COL11A2: variants seen among roughly 807,000 people sequenced by gnomAD.
COL11A2 encodes the protein collagen type XI alpha 2 chain.
Under a neutral mutation model 273.4 loss-of-function variants are expected in COL11A2, and 116 were observed. That is an observed-to-expected ratio of 0.42 (90% CI 0.36 to 0.49). The LOEUF (loss-of-function observed/expected upper bound fraction) is 0.49. COL11A2 is among the 20% of genes least tolerant of loss of function. COL11A2 has a pLI of 0.00. For missense variants in COL11A2, 1,866 were observed against 2,309.0 expected (o/e 0.81, Z 3.93); for synonymous variants, 782 against 864.2 (o/e 0.90, Z 1.67).
rs1312983637 is a variant in COL11A2, at chr6:33,179,866, C to T, written c.1360-61G>A. Reference sequence around the variant, plus strand: ...AAGAAAGCCATGGGACCCTCCCAGCCAGAGGCTTTCTCCAGCGTTTCTGCC... The same window carrying T: ...AAGAAAGCCATGGGACCCTCCCAGCTAGAGGCTTTCTCCAGCGTTTCTGCC... On this transcript the variant is annotated intron_variant, in intron 12 of 65. Transcript: ENST00000341947. This position sits in a 1 kb window ranked among gnomAD's most constrained non-coding sequence, Gnocchi z 6.4. 3.3e-6 allele frequency: 5 copies of T among 1,499,678 alleles called. No individual in the cohort carries two copies. Among genetic ancestry groups the T allele is most frequent in the Admixed American group, 1.7e-5 (1 of 59,810 alleles). 92.9% of individuals were successfully genotyped at this position (1,499,678 alleles called of 1,614,324 possible). A position where few individuals can be genotyped will look rare whatever the true frequency, so the allele number is the denominator to read the frequency against.
Position 33,176,447 on chromosome 6 carries a change from G to C in COL11A2, c.2155C>G (p.Pro719Ala). 1 of 1,612,600 alleles carries C rather than the reference G, an allele frequency of 6.2e-7. No homozygotes were observed. Among genetic ancestry groups the C allele is most frequent in the African/African-American group, 1.3e-5 (1 of 75,000 alleles). ...GPQGPLGYPG[P>A]RGVKGVDGIR... ...TGGTCAGTTACCTTGACCCCTCGAG[G>C]TCCTGGGTATCCTAGAGGTCCCTGA... is the stretch of plus-strand genomic sequence containing the variant. Residue 719 changes from proline (P) to alanine (A), a missense_variant, in exon 27 of 66, where the codon CCT (proline) becomes GCT (alanine). Physicochemically the swap from Pro to Ala is conservative, Grantham distance 27. Coordinates refer to ENST00000341947, the MANE Select transcript of COL11A2 (RefSeq NM_080680.3). This position sits in a 1 kb window ranked among gnomAD's most constrained non-coding sequence, Gnocchi z 4.9.
chr6:33,179,126 C>T lies in COL11A2; in HGVS notation c.1558G>A (p.Gly520Ser). The part of the protein sequence containing the change: ...KGESGDLGPQ[G>S]PRGPQGLTGP... ...GTGAGGCCCTGAGGTCCTCTGGGGC[C>T]CTGGTGAGAGGAGAGATGGGGTGGG... Residue 520 changes from glycine to serine, a missense_variant and splice_region_variant, in exon 16 of 66, where the codon GGC (glycine) becomes AGC (serine). By Grantham distance (56) the Gly-to-Ser change is moderately conservative. Transcript: ENST00000341947. This position sits in a 1 kb window ranked among gnomAD's most constrained non-coding sequence, Gnocchi z 6.4. 1 of 1,613,736 alleles carries T rather than the reference C, an allele frequency of 6.2e-7. No individual in the cohort carries two copies. Among genetic ancestry groups the T allele is most frequent in the Non-Finnish European group, 8.5e-7 (1 of 1,179,832 alleles).
Position 33,170,060 on chromosome 6 carries a change from G to A in COL11A2, c.3623C>T (p.Pro1208Leu). 2 of 1,613,054 alleles carry A rather than the reference G, an allele frequency of 1.2e-6. No individual in the cohort carries two copies. Among genetic ancestry groups the A allele is most frequent in the Non-Finnish European group, 8.5e-7 (1 of 1,180,030 alleles). The change falls in exon 49 of 66, where the codon CCC (proline) becomes CTC (leucine). Residue 1208 changes from proline to leucine, a missense_variant. By Grantham distance (98) the Pro-to-Leu change is moderately conservative. Transcript: ENST00000341947. This position sits in a 1 kb window ranked among gnomAD's most constrained non-coding sequence, Gnocchi z 4.3. ...GPPGGVGNLG[P>L]PGEKGEPGES... ...CTTCCCAGTTACCTTCTCTCCAGGGGGACCCAGGTTCCCAACACCTCCTGG... is the reference window on the plus strand; with the variant it reads ...CTTCCCAGTTACCTTCTCTCCAGGGAGACCCAGGTTCCCAACACCTCCTGG...
intron 30 of COL11A2, among the ~76,000 whole-genome samples, chr6:33,175,105 G>A (rs1770708276): frequency 1.3e-5 from 2 of 152,302 alleles, no homozygotes; most frequent in African/African-American, 4.8e-5. Context: ...CCCTTCACTG[G>A]CCATGTAATC....
At chr6:33,184,389 G>A (rs1012160528) in intron 7 of COL11A2, 65 bp from the exon 8 acceptor site, 4 of 1,197,082 alleles carry the variant, frequency 3.3e-6, no homozygotes, top group Non-Finnish European at 4.5e-6. Flanking sequence ...GGCTTACCCT[G>A]GACCCCAGGG....
At chr6:33,171,618 A>G in intron 42 of COL11A2, 44 bp from the exon 43 acceptor site, 2 of 1,600,254 alleles carry the variant, frequency 1.2e-6, no homozygotes, top group Non-Finnish European at 1.7e-6. Context: ...GGTGACCCTC[A>G]CCCTCAAACA....
intron 1 of COL11A2, among the ~76,000 whole-genome samples, chr6:33,191,670 C>T (rs1234178522): frequency 6.6e-6 from 1 of 152,236 alleles, no homozygotes; most frequent in Non-Finnish European, 1.5e-5. Flanking sequence ...GGGACCCTGT[C>T]CAGGAGGCCA....
At position 33,167,306 on chromosome 6, in the gene COL11A2, G is replaced by A. The variant is rs774709598; in HGVS notation, c.4134C>T (p.Gly1378=). 2.5e-6 allele frequency: 4 copies of A among 1,613,780 alleles called. No individual in the cohort carries two copies. In the South Asian group the frequency reaches 3.3e-5, roughly 13 times the overall value. Residue 1378 remains glycine, a synonymous_variant, in exon 57 of 66, where the codon GGC becomes GGT. Transcript: ENST00000341947. This position sits in a 1 kb window ranked among gnomAD's most constrained non-coding sequence, Gnocchi z 6.1. ...CAGCCTGGCCTGTAGCTCCAGGTCG[G>A]CCTTGCTGACCCTGAAGATTTGAGG... ...RGLPGSVGQQ[G]RPGATGQAGP...
At position 33,189,150 on chromosome 6, in the gene COL11A2, G is replaced by A. The variant is rs776656481; in HGVS notation, c.271C>T (p.Arg91Trp). The A allele has an allele frequency of 4.3e-6, 7 of 1,613,972 alleles. No individual in the cohort carries two copies. The highest frequency in any genetic ancestry group is 4.5e-5 in the East Asian group (2 of 44,880). Reference sequence around the variant, plus strand: ...GGAGCTTGGAGACCAGGGCGGGTCCGGACAACAGTCAGCAGAGAGAAATCT... The same window carrying A: ...GGAGCTTGGAGACCAGGGCGGGTCCAGACAACAGTCAGCAGAGAGAAATCT... ...PKDFSLLTVV[R>W]TRPGLQAPLL... is the part of the protein sequence containing the mutation. The change falls in exon 3 of 66, where the codon CGG becomes TGG. Residue 91 changes from arginine to tryptophan, a missense_variant. Arg to Trp is a moderately radical substitution (Grantham distance 101). Coordinates refer to ENST00000341947, the MANE Select transcript of COL11A2 (RefSeq NM_080680.3). The surrounding 1 kb of genome is among the most constrained non-coding windows in gnomAD (Gnocchi z 5.6).
At position 33,181,106 on chromosome 6, in the gene COL11A2, C is replaced by T. The variant is rs983116160; in HGVS notation, c.1179+5G>A. ...TGCCTCAGCCCTGTGACCAGCATAA[C>T]TTACAGGTTCCAACACTGCAGGCTC... On this transcript the variant is annotated splice_donor_5th_base_variant and intron_variant, in intron 9 of 65. Transcript: ENST00000341947. The T allele has an allele frequency of 1.9e-6, 3 of 1,614,030 alleles. No homozygotes were observed. Among genetic ancestry groups the T allele is most frequent in the African/African-American group, 2.7e-5 (2 of 74,900 alleles).
Position 33,190,817 on chromosome 6 carries a change from C to T in COL11A2, c.82+1342G>A, listed in dbSNP as rs1362628056. The stretch of plus-strand genomic sequence containing the variant: ...TCACAGAGACCCCAGGCCAAGGAGA[C>T]CTCGGAGGTCCCCACCCTCCACCAA... On this transcript the variant is annotated intron_variant, in intron 1 of 65. Transcript: ENST00000341947. The surrounding 1 kb of genome is among the most constrained non-coding windows in gnomAD (Gnocchi z 4.5). Among the ~76,000 whole-genome samples, 2 of 152,072 alleles carry T rather than the reference C, an allele frequency of 1.3e-5. No homozygotes were observed. The highest frequency in any genetic ancestry group is 2.9e-5 in the Non-Finnish European group (2 of 67,992).
In COL11A2 at chr6:33,169,363, C is replaced by A. The variant is rs1300939229; in HGVS notation, c.3798+20G>T. The A allele has an allele frequency of 6.2e-7, 1 of 1,602,824 alleles. No homozygotes were observed. Among genetic ancestry groups the A allele is most frequent in the Non-Finnish European group, 8.5e-7 (1 of 1,171,762 alleles). On this transcript the variant is annotated intron_variant, in intron 51 of 65. Transcript: ENST00000341947. This position sits in a 1 kb window ranked among gnomAD's most constrained non-coding sequence, Gnocchi z 5.5. ...TTCACAGGGCCTGAGAGGACTCAGC[C>A]CCCACTGCCCCAAACTCACAGGGTT...
chr6:33,169,283 G>T lies in COL11A2; in HGVS notation c.3798+100C>A. ...CCCAGAGCATCCCCCAAACTCCCGGGCTCCCCACACTCCAAGATCCTCCCT... is the reference window on the plus strand; with the variant it reads ...CCCAGAGCATCCCCCAAACTCCCGGTCTCCCCACACTCCAAGATCCTCCCT... On this transcript the variant is annotated intron_variant, in intron 51 of 65. Transcript: ENST00000341947. This position sits in a 1 kb window ranked among gnomAD's most constrained non-coding sequence, Gnocchi z 5.5. 8.8e-7 allele frequency: 1 copy of T among 1,136,004 alleles called. No homozygotes were observed. The highest frequency in any genetic ancestry group is 1.9e-4 in the Middle Eastern group (1 of 5,188). The allele number at this position is 1,136,004 out of a possible 1,614,324, so 70.4% of individuals were successfully genotyped here. A position where few individuals can be genotyped will look rare whatever the true frequency, so the allele number is the denominator to read the frequency against.
At chr6:33,186,337 T>C (rs1251029863) in intron 5 of COL11A2, 1 of 1,328,636 alleles carries the variant, frequency 7.5e-7, no homozygotes, top group African/African-American at 1.5e-5. Flanking sequence ...CCTCTCCCAC[T>C]GTCTCCCAAT....
chr6:33,168,850 G>C, intron 52 of COL11A2, 91 bp from the exon 53 acceptor site: 1 of 1,604,214 alleles, frequency 6.2e-7, no homozygotes, highest in Non-Finnish European at 8.5e-7. Flanking sequence ...TGCCCACCCT[G>C]CCATACCCCC....
chr6:33,175,159 C>T (rs185827091), intron 30 of COL11A2, among the ~76,000 whole-genome samples: 1 of 152,328 alleles, frequency 6.6e-6, no homozygotes, highest in Non-Finnish European at 1.5e-5. Flanking sequence ...CAAAACAGTA[C>T]GTCACATGCC....
Position 33,177,585 on chromosome 6 carries a change from A to C in COL11A2, c.1917+77T>G. Reference sequence around the variant, plus strand: ...CAAGAGCAGGAAGCAGGCAGGGGTCAAAATGGCGGCCAACAGGATGCTGGC... The same window carrying C: ...CAAGAGCAGGAAGCAGGCAGGGGTCCAAATGGCGGCCAACAGGATGCTGGC... On this transcript the variant is annotated intron_variant, in intron 22 of 65. Transcript: ENST00000341947. The surrounding 1 kb of genome is among the most constrained non-coding windows in gnomAD (Gnocchi z 5.9). 1 of 1,598,950 alleles carries C rather than the reference A, an allele frequency of 6.3e-7. No homozygotes were observed. The highest frequency in any genetic ancestry group is 8.6e-7 in the Non-Finnish European group (1 of 1,167,918).
At position 33,172,065 on chromosome 6, in the gene COL11A2, G is replaced by C; in HGVS notation, c.3027C>G (p.Gly1009=). The C allele has an allele frequency of 1.2e-6, 2 of 1,612,970 alleles. No individual in the cohort carries two copies. The highest frequency in any genetic ancestry group is 1.1e-5 in the South Asian group (1 of 91,072). ...CCAGACTCACTGCAGGGCCAGGGGG[G>C]CCAGACGGACCTTCATTCCCCTTCA... ...PGLKGNEGPS[G]PPGPAGSPGE... Residue 1009 remains glycine, a synonymous_variant, in exon 41 of 66, where the codon GGC becomes GGG. Transcript: ENST00000341947.
chr6:33,186,876 T>A (rs1173376688), intron 4 of COL11A2, 58 bp from the exon 5 acceptor site: 7 of 1,609,140 alleles, frequency 4.4e-6, no homozygotes, highest in African/African-American at 1.3e-5. Context: ...GAGGGTATCA[T>A]CCGGGAGAAA....
Sources: allele counts gnomAD v4.1 joint callset (sites outside exome capture counted in the v4.1 genomes callset), GRCh38; gene constraint gnomAD v4.1.1; non-coding constraint Gnocchi (gnomAD v3.1); transcripts MANE v1.5; gene names NCBI Gene and HGNC (gene_info 2026-07-23, HGNC 2026-07-21).